NAA15: variants seen among roughly 807,000 people sequenced by gnomAD.
NAA15 encodes the protein N-terminal acetyltransferase.
NAA15 carries 34 observed loss-of-function variants against 114.0 expected under a neutral mutation model. The ratio of observed to expected loss-of-function variants is 0.30; its 90% confidence interval spans 0.23 to 0.40. The LOEUF (loss-of-function observed/expected upper bound fraction) is 0.40. Ranked by LOEUF, NAA15 falls within the 10% of genes least tolerant of loss-of-function variation. NAA15 has a pLI of 1.00. For missense variants in NAA15, 658 were observed against 1,004.5 expected, an observed-to-expected ratio of 0.66 and a Z score of 4.66; for synonymous variants, 340 against 338.0, an observed-to-expected ratio of 1.01 and a Z score of -0.06.
In NAA15 at chr4:139,334,698, GCTTTT is replaced by G. The variant is rs562986342; in HGVS notation, c.139+441_139+445del. ...ATTGTAATGTTCTGAAAGTTTATAG[GCTTTT>G]GCTTGTGTGAAGGTAGATTATTGGA... is the stretch of plus-strand genomic sequence containing the variant. On this transcript the variant is annotated intron_variant, in intron 2 of 19. Coordinates refer to ENST00000296543, the MANE Select transcript of NAA15 (RefSeq NM_057175.5). Among the ~76,000 whole-genome samples the G allele has an allele frequency of 1.5e-4, 23 of 152,250 alleles. No individual in the cohort carries two copies. The South Asian group carries it at 4.6e-3, about 30-fold the overall frequency.
intron 1 of NAA15, among the ~76,000 whole-genome samples, chr4:139,322,023 T>G (rs983477144): frequency 6.6e-6 from 1 of 152,206 alleles, no homozygotes; most frequent in African/African-American, 2.4e-5. Flanking sequence ...TGGATCCTCT[T>G]GCCTTTCTTA....
chr4:139,354,482 A>T (rs572450550), intron 10 of NAA15, among the ~76,000 whole-genome samples: 1 of 151,952 alleles, frequency 6.6e-6, no homozygotes, highest in South Asian at 2.1e-4. Context: ...GATTTTTTGT[A>T]GACTTAGGGT....
chr4:139,305,723 G>A (rs991729991), intron 1 of NAA15, among the ~76,000 whole-genome samples: 3 of 152,088 alleles, frequency 2.0e-5, no homozygotes, highest in African/African-American at 7.2e-5. Context: ...TAGTAGAGAT[G>A]GGGTTTCTCC....
intron 17 of NAA15, among the ~76,000 whole-genome samples, chr4:139,379,727 A>G (rs1208416909): frequency 6.6e-6 from 1 of 152,188 alleles, no homozygotes; most frequent in East Asian, 1.9e-4. Context: ...ATCACCAAAA[A>G]AATGCTAAAT....
Position 139,349,342 on chromosome 4 carries a change from A to G in NAA15, c.692-120A>G, listed in dbSNP as rs575677370. The G allele has an allele frequency of 1.5e-4, 122 of 823,246 alleles. 4 individuals are homozygous for G. In the South Asian group the frequency reaches 2.6e-3, roughly 18 times the overall value. The allele number at this position is 823,246 out of a possible 1,614,324, so 51.0% of individuals were successfully genotyped here. On this transcript the variant is annotated intron_variant, in intron 6 of 19. Transcript: ENST00000296543. ...TCTTAAGGGAACTGGAACCAGGTCCATCCACTTAGCAGCACTGATTTATAA... is the reference window on the plus strand; with the variant it reads ...TCTTAAGGGAACTGGAACCAGGTCCGTCCACTTAGCAGCACTGATTTATAA...
Position 139,384,850 on chromosome 4 carries a change from AT to A in NAA15, c.2177del (p.Leu726TyrfsTer9). 6.8e-7 allele frequency: 1 copy of A among 1,465,430 alleles called. No individual in the cohort carries two copies. The highest frequency in any genetic ancestry group is 9.1e-7 in the Non-Finnish European group (1 of 1,094,354). The allele number at this position is 1,465,430 out of a possible 1,614,324, so 90.8% of individuals were successfully genotyped here. A position where few individuals can be genotyped will look rare whatever the true frequency, so the allele number is the denominator to read the frequency against. On this transcript the variant is annotated frameshift_variant, in exon 18 of 20. Transcript: ENST00000296543. LOFTEE classifies it high-confidence loss of function. ...TATTCAGCAGTGTGTGAAAGTAAAGATTTATCTGATACAGTTAGAACAGTAT... is the reference window on the plus strand; with the variant it reads ...TATTCAGCAGTGTGTGAAAGTAAAGATTATCTGATACAGTTAGAACAGTAT... ...LFNTAVCESK[D>X]LSDTVRTVLK...
chr4:139,324,342 A>T (rs975058531), intron 1 of NAA15, among the ~76,000 whole-genome samples: 2 of 152,238 alleles, frequency 1.3e-5, no homozygotes, highest in African/African-American at 2.4e-5. Context: ...CAGGTGTTAC[A>T]GGTAGGAGGA....
At position 139,378,837 on chromosome 4, in the gene NAA15, T is replaced by C. The variant is rs772192065; in HGVS notation, c.2138T>C (p.Ile713Thr). The change falls in exon 17 of 20, where the codon ATT (isoleucine) becomes ACT (threonine). Residue 713 changes from isoleucine (I) to threonine (T), a missense_variant. Ile to Thr is a moderately conservative substitution (Grantham distance 89, BLOSUM62 -1). This residue lies in a region of NAA15 where 275 missense variants were observed against 371.1 expected (regional missense o/e 0.74). Transcript: ENST00000296543. Reference protein sequence around the residue: ...SSHPWLHECMIRLFNTAVCES... With the variant: ...SSHPWLHECMTRLFNTAVCES... ...CATCCCTGGCTTCATGAGTGTATGA[T>C]TCGTCTCTTTAATACTGGTATGTTT... 6 of 1,557,036 alleles carry C rather than the reference T, an allele frequency of 3.9e-6. No homozygotes were observed. The highest frequency in any genetic ancestry group is 1.2e-5 in the South Asian group (1 of 81,280).
At chr4:139,326,106 T>C (rs1339199844) in intron 1 of NAA15, among the ~76,000 whole-genome samples, 1 of 152,222 alleles carries the variant, frequency 6.6e-6, no homozygotes, top group Non-Finnish European at 1.5e-5. Flanking sequence ...TTTTTAAAGC[T>C]TTCTACAATG....
At chr4:139,319,085 T>G (rs1746511582) in intron 1 of NAA15, among the ~76,000 whole-genome samples, 1 of 151,978 alleles carries the variant, frequency 6.6e-6, no homozygotes, top group Admixed American at 6.6e-5. Context: ...GGTCAGGAGT[T>G]GGAGACCAGG....
chr4:139,351,179 CTTTG>C lies in NAA15; in HGVS notation c.812-7_812-4del. On this transcript the variant is annotated splice_polypyrimidine_tract_variant and splice_region_variant and intron_variant, in intron 7 of 19. Transcript: ENST00000296543. ...TGATTATATATAACAAAGAATTTTT[CTTTG>C]TTTGCAGCTAATATGTTAGAACGGC... The C allele has an allele frequency of 6.8e-7, 1 of 1,479,426 alleles. No homozygotes were observed. Among genetic ancestry groups the C allele is most frequent in the Non-Finnish European group, 9.2e-7 (1 of 1,087,724 alleles). 91.6% of individuals were successfully genotyped at this position (1,479,426 alleles called of 1,614,324 possible). A position where few individuals can be genotyped will look rare whatever the true frequency, so the allele number is the denominator to read the frequency against.
At chr4:139,347,869 A>G (rs1243996181) in intron 6 of NAA15, among the ~76,000 whole-genome samples, 1 of 150,858 alleles carries the variant, frequency 6.6e-6, no homozygotes, top group Non-Finnish European at 1.5e-5. Context: ...CGTCTCTACT[A>G]AAAATACAAA....
rs1745752713 is a variant in NAA15, at chr4:139,301,700, G to C, written c.-78G>C. On this transcript the variant is annotated 5_prime_UTR_variant, in exon 1 of 20. Transcript: ENST00000296543. ...AGATATTCAAGGCTGAAGCAGCTAC[G>C]GAACGGCAGCGGCGGCGGTCGGACA... is the stretch of plus-strand genomic sequence containing the variant. 6.7e-7 allele frequency: 1 copy of C among 1,498,092 alleles called. No individual in the cohort carries two copies. Among genetic ancestry groups the C allele is most frequent in the African/African-American group, 1.4e-5 (1 of 71,738 alleles). The allele number at this position is 1,498,092 out of a possible 1,614,324, so 92.8% of individuals were successfully genotyped here. A position where few individuals can be genotyped will look rare whatever the true frequency, so the allele number is the denominator to read the frequency against.
chr4:139,327,151 G>C (rs532590345), intron 1 of NAA15, among the ~76,000 whole-genome samples: 1 of 152,160 alleles, frequency 6.6e-6, no homozygotes, highest in South Asian at 2.1e-4. Context: ...TATGCAGGCT[G>C]GTCTTGAACT....
chr4:139,320,544 G>C (rs538245206), intron 1 of NAA15, among the ~76,000 whole-genome samples: 1 of 151,818 alleles, frequency 6.6e-6, no homozygotes, highest in African/African-American at 2.4e-5. Context: ...GTTTTGACAC[G>C]GAGTCTCACT....
intron 4 of NAA15, among the ~76,000 whole-genome samples, chr4:139,341,615 A>AAG (rs1747396650): frequency 1.3e-5 from 2 of 150,824 alleles, no homozygotes; most frequent in African/African-American, 2.4e-5. Context: ...AAAAAAAAAA[A>AAG]AAAAGAAAAT....
At chr4:139,321,134 A>G (rs1746586615) in intron 1 of NAA15, among the ~76,000 whole-genome samples, 1 of 151,758 alleles carries the variant, frequency 6.6e-6, no homozygotes, top group African/African-American at 2.4e-5. Context: ...TCTTTTGCCA[A>G]AGCCAAATAT....
chr4:139,338,601 C>T (rs958216504), intron 3 of NAA15, among the ~76,000 whole-genome samples: 1 of 152,138 alleles, frequency 6.6e-6, no homozygotes, highest in African/African-American at 2.4e-5. Context: ...GTGCACAGCA[C>T]CAAGCCTGGC....
chr4:139,306,434 C>T (rs1746018298), intron 1 of NAA15, among the ~76,000 whole-genome samples: 1 of 151,738 alleles, frequency 6.6e-6, no homozygotes, highest in Non-Finnish European at 1.5e-5. Flanking sequence ...GGTGTTTCAC[C>T]ATGTTGGCCA....
Sources: gnomAD v4.1 joint callset for allele counts (sites outside exome capture counted in the v4.1 genomes callset) on GRCh38, gnomAD v4.1.1 for gene constraint, gnomAD v4.1.1 regional missense constraint, MANE v1.5 for transcripts, NCBI Gene and HGNC (gene_info 2026-07-23, HGNC 2026-07-21) for gene names.